PCDHGB2: variants seen among roughly 807,000 people sequenced by gnomAD.
PCDHGB2 encodes the protein protocadherin gamma subfamily B, 2, also known as protocadherin gamma-B2.
A neutral mutation model predicts 59.3 loss-of-function variants in PCDHGB2; 55 were observed. The observed-to-expected ratio is 0.93, with a 90% confidence interval of 0.75 to 1.16. The LOEUF is 1.16. Among genes scored for constraint, PCDHGB2 ranks in the 50% most tolerant of loss-of-function variants. The pLI, the probability that PCDHGB2 is intolerant of heterozygous loss-of-function variation, is 0.00. For missense variants in PCDHGB2, 1,228 were observed against 1,198.5 expected (o/e 1.02, Z -0.36); for synonymous variants, 516 against 512.0 (o/e 1.01, Z -0.11).
At chr5:141,484,009 TG>T (rs2099590446) in intron 1 of PCDHGB2, among the ~76,000 whole-genome samples, 1 of 14,098 alleles carries the variant, frequency 7.1e-5, no homozygotes, top group Admixed American at 8.3e-4. Context: ...TGGATGAGGG[TG>T]GGGGTGGGGT....
chr5:141,444,467 G>C (rs1288596542), intron 1 of PCDHGB2, among the ~76,000 whole-genome samples: 2 of 151,998 alleles, frequency 1.3e-5, no homozygotes, highest in Admixed American at 6.6e-5. Flanking sequence ...CACTGCGCCC[G>C]GTCGCGTACT....
Position 141,360,394 on chromosome 5 carries a change from A to C in PCDHGB2, c.259A>C (p.Ser87Arg), listed in dbSNP as rs768829588. The change falls in exon 1 of 4, where the codon AGT becomes CGT. Residue 87 changes from serine to arginine, a missense_variant. Transcript: ENST00000522605. ...CCCAGAAAGCGGAGACTTACTTGTG[A>C]GTGACAGAATAGACCGAGAACAGAT... is the stretch of plus-strand genomic sequence containing the variant. ...VNPESGDLLV[S>R]DRIDREQICG... 4.4e-5 allele frequency: 71 copies of C among 1,613,814 alleles called. No homozygotes were observed. The highest frequency in any genetic ancestry group is 5.8e-5 in the Non-Finnish European group (69 of 1,179,844).
chr5:141,402,710 C>T (rs2094297033), intron 1 of PCDHGB2, among the ~76,000 whole-genome samples: 1 of 152,092 alleles, frequency 6.6e-6, no homozygotes, highest in African/African-American at 2.4e-5. Context: ...GGTGTAGTAA[C>T]GGCTTAGGAC....
chr5:141,371,170 C>T lies in PCDHGB2; in HGVS notation c.2421+8614C>T, dbSNP rs1228264781. 7 of 1,613,892 alleles carry T rather than the reference C, an allele frequency of 4.3e-6. No homozygotes were observed. The Admixed American group carries it at 1.0e-4, about 23-fold the overall frequency. On this transcript the variant is annotated intron_variant, in intron 1 of 3. Coordinates refer to ENST00000522605, the MANE Select transcript of PCDHGB2 (RefSeq NM_018923.3). Reference sequence around the variant, plus strand: ...GTTGCAGAGAACCTGCCCGCTGGCTCCTCCGTATTAAAAGTGATGGCCATT... The same window carrying T: ...GTTGCAGAGAACCTGCCCGCTGGCTTCTCCGTATTAAAAGTGATGGCCATT...
intron 1 of PCDHGB2, chr5:141,427,811 C>T (rs1335555425): frequency 6.6e-7 from 1 of 1,523,180 alleles, no homozygotes; most frequent in Admixed American, 1.7e-5. Flanking sequence ...GCGCACAGAG[C>T]GGGGTGGTGG....
intron 1 of PCDHGB2, chr5:141,372,345 C>G: frequency 1.2e-6 from 2 of 1,613,816 alleles, no homozygotes; most frequent in South Asian, 2.2e-5. Context: ...TGATGGAGGA[C>G]AGCAGCCTCT....
At chr5:141,394,463 G>C (rs1244366845) in intron 1 of PCDHGB2, 1 of 1,614,130 alleles carries the variant, frequency 6.2e-7, no homozygotes, top group Non-Finnish European at 8.5e-7. Flanking sequence ...CACTGAGCCT[G>C]TTCGTGCTGG....
chr5:141,476,038 G>A lies in PCDHGB2; in HGVS notation c.2422-18769G>A, dbSNP rs1426234941. 1.3e-6 allele frequency: 2 copies of A among 1,484,842 alleles called. No homozygotes were observed. Among genetic ancestry groups the A allele is most frequent in the Non-Finnish European group, 1.8e-6 (2 of 1,118,086 alleles). 92.0% of individuals were successfully genotyped at this position (1,484,842 alleles called of 1,614,324 possible). The stretch of plus-strand genomic sequence containing the variant: ...GTCGGACTCGGCGCCCAGCGCCCAA[G>A]CGCTAACCCGCTGAAAGTTTCTCAG... On this transcript the variant is annotated intron_variant, in intron 1 of 3. Coordinates refer to ENST00000522605, the MANE Select transcript of PCDHGB2 (RefSeq NM_018923.3). The surrounding 1 kb of genome is among the most constrained non-coding windows in gnomAD (Gnocchi z 7.6).
At chr5:141,430,261 A>T (rs1236197353) in intron 1 of PCDHGB2, among the ~76,000 whole-genome samples, 1 of 152,104 alleles carries the variant, frequency 6.6e-6, no homozygotes, top group African/African-American at 2.4e-5. Context: ...CATCTCCATA[A>T]TAGGTGTGTT....
At chr5:141,371,836 T>C (rs1399404619) in intron 1 of PCDHGB2, 2 of 1,613,592 alleles carry the variant, frequency 1.2e-6, no homozygotes, top group East Asian at 4.5e-5. Flanking sequence ...GATCCCGACT[T>C]GGGACCTAAT....
At position 141,361,737 on chromosome 5, in the gene PCDHGB2, C is replaced by A; in HGVS notation, c.1602C>A (p.Ala534=). The A allele has an allele frequency of 1.2e-6, 2 of 1,613,162 alleles. No homozygotes were observed. Among genetic ancestry groups the A allele is most frequent in the Non-Finnish European group, 1.7e-6 (2 of 1,179,762 alleles). The change falls in exon 1 of 4, where the codon GCC becomes GCA. Residue 534 remains alanine, a synonymous_variant. Transcript: ENST00000522605. ...GCGCCTTCGAGCTCACACTGCAGGC[C>A]CGCGACCAGGGCTCGCCCGCGCTCA... ...QLRAFELTLQ[A]RDQGSPALSA... is the part of the protein sequence containing the mutation.
chr5:141,393,250 C>G, intron 1 of PCDHGB2: 11 of 1,613,824 alleles, frequency 6.8e-6, no homozygotes, highest in South Asian at 1.1e-5. Flanking sequence ...AACGAAATCG[C>G]GGTTCCTGGA....
chr5:141,406,253 C>CA (rs2094783585), intron 1 of PCDHGB2, among the ~76,000 whole-genome samples: 1 of 151,976 alleles, frequency 6.6e-6, no homozygotes, highest in Admixed American at 6.6e-5. Flanking sequence ...AGACTGGTCT[C>CA]AAACGATCTT....
In PCDHGB2 at chr5:141,383,840, T is replaced by C. The variant is rs190731749; in HGVS notation, c.2421+21284T>C. 1.9e-6 allele frequency: 3 copies of C among 1,613,952 alleles called. No homozygotes were observed. In the East Asian group the frequency reaches 6.7e-5, roughly 36 times the overall value. Reference sequence around the variant, plus strand: ...GGATTAGATTATGAAGAAACTGCCTTCTATGAAATGGAGGTTCAGGCTCAA... The same window carrying C: ...GGATTAGATTATGAAGAAACTGCCTCCTATGAAATGGAGGTTCAGGCTCAA... On this transcript the variant is annotated intron_variant, in intron 1 of 3. Transcript: ENST00000522605.
At chr5:141,399,864 G>A (rs762765678) in intron 1 of PCDHGB2, 1 of 1,612,860 alleles carries the variant, frequency 6.2e-7, no homozygotes. Flanking sequence ...GCGCTGCAGA[G>A]CCCGGCTACC....
chr5:141,426,439 G>A, intron 1 of PCDHGB2: 1 of 302,400 alleles, frequency 3.3e-6, no homozygotes, highest in Non-Finnish European at 6.5e-6. Flanking sequence ...GAACCTTGCG[G>A]AGGACATGCG....
intron 1 of PCDHGB2, chr5:141,393,317 G>C (rs927337267): frequency 6.2e-7 from 1 of 1,612,904 alleles, no homozygotes; most frequent in South Asian, 1.1e-5. Flanking sequence ...ACTCCCTCCA[G>C]AGCTACCAGC....
In PCDHGB2 at chr5:141,360,401, G is replaced by A; in HGVS notation, c.266G>A (p.Arg89Lys). ...AGCGGAGACTTACTTGTGAGTGACAGAATAGACCGAGAACAGATATGCGGG... is the reference window on the plus strand; with the variant it reads ...AGCGGAGACTTACTTGTGAGTGACAAAATAGACCGAGAACAGATATGCGGG... ...PESGDLLVSD[R>K]IDREQICGKQ... The change falls in exon 1 of 4, where the codon AGA (arginine) becomes AAA (lysine). Residue 89 changes from arginine to lysine, a missense_variant. By Grantham distance (26) the Arg-to-Lys change is conservative. Coordinates refer to ENST00000522605, the MANE Select transcript of PCDHGB2 (RefSeq NM_018923.3). 6.2e-7 allele frequency: 1 copy of A among 1,613,972 alleles called. No individual in the cohort carries two copies.
chr5:141,501,964 A>G (rs1374872785), intron 2 of PCDHGB2, among the ~76,000 whole-genome samples: 1 of 151,854 alleles, frequency 6.6e-6, no homozygotes, highest in East Asian at 1.9e-4. Flanking sequence ...TCATCCTCCT[A>G]ACCTCTGGCA....
Sources: gnomAD v4.1 joint callset for allele counts (sites outside exome capture counted in the v4.1 genomes callset) on GRCh38, gnomAD v4.1.1 for gene constraint, Gnocchi (gnomAD v3.1) non-coding constraint, MANE v1.5 for transcripts, NCBI Gene and HGNC (gene_info 2026-07-23, HGNC 2026-07-21) for gene names.